Variants in DLG1 observed in about 807,000 individuals in gnomAD.
DLG1 encodes the protein disks large homolog 1.
In DLG1, 42 loss-of-function variants were observed where a neutral mutation model predicts 123.4. The ratio of observed to expected loss-of-function variants is 0.34; its 90% CI spans 0.27 to 0.44. DLG1 has a LOEUF of 0.44. Ranked by LOEUF, DLG1 falls within the 20% of genes least tolerant of loss-of-function variation. The pLI, the probability that DLG1 is intolerant of heterozygous loss-of-function variation, is 1.00. For synonymous variants in DLG1, 317 were observed against 356.2 expected (o/e 0.89, Z 1.24); for missense variants, 942 against 1,082.6 (o/e 0.87, Z 1.82).
chr3:197,171,025 G>A (rs906164036), intron 5 of DLG1, among the ~76,000 whole-genome samples: 2 of 152,118 alleles, frequency 1.3e-5, no homozygotes, highest in Non-Finnish European at 2.9e-5. Context: ...GGGTTAGTAA[G>A]GATCTTATTT....
intron 5 of DLG1, among the ~76,000 whole-genome samples, chr3:197,159,013 C>T (rs539968080): frequency 5.6e-4 from 85 of 152,210 alleles, no homozygotes; most frequent in Middle Eastern, 3.4e-3. Context: ...TGTTTACACT[C>T]CCAGTAAGAA....
At chr3:197,154,720 G>C (rs1387310517) in intron 5 of DLG1, among the ~76,000 whole-genome samples, 1 of 151,988 alleles carries the variant, frequency 6.6e-6, no homozygotes, top group Non-Finnish European at 1.5e-5. Flanking sequence ...GCAAGAAAGT[G>C]CTGTATGAAC....
intron 5 of DLG1, among the ~76,000 whole-genome samples, chr3:197,168,422 T>C (rs1802467440): frequency 6.6e-6 from 1 of 152,062 alleles, no homozygotes; most frequent in Non-Finnish European, 1.5e-5. Flanking sequence ...AAAATGCAGC[T>C]CTAAACAAAT....
chr3:197,183,641 T>C (rs2150156680), intron 5 of DLG1: 1 of 1,550,558 alleles, frequency 6.4e-7, no homozygotes, highest in East Asian at 2.4e-5. Flanking sequence ...AAAATGCAAC[T>C]ATCTGCTGCC....
chr3:197,157,103 G>A (rs902431987), intron 5 of DLG1, among the ~76,000 whole-genome samples: 1 of 152,172 alleles, frequency 6.6e-6, no homozygotes. Flanking sequence ...TCTAAGATAA[G>A]GAAGAAGGCA....
chr3:197,180,071 G>A lies in DLG1; in HGVS notation c.483+14354C>T, dbSNP rs1372074748. 3.4e-5 allele frequency among the ~76,000 whole-genome samples: 3 copies of A among 88,740 alleles called. No individual in the cohort carries two copies. The East Asian group carries it at 7.0e-4, about 21-fold the overall frequency. 58.2% of individuals were successfully genotyped at this position (88,740 alleles called of 152,430 possible). ...TGGCATGTTGTGTTTTTTTTTTGGG[G>A]GGGGGGGGGCTTTTTGAGTATTTAT... On this transcript the variant is annotated intron_variant, in intron 5 of 24. Coordinates refer to ENST00000667157, the MANE Select transcript of DLG1 (RefSeq NM_001366207.1).
chr3:197,134,798 G>T (rs1456896895), intron 10 of DLG1, among the ~76,000 whole-genome samples: 1 of 152,244 alleles, frequency 6.6e-6, no homozygotes, highest in Non-Finnish European at 1.5e-5. Context: ...GGGCTTGGGT[G>T]AAGTGTTGTG....
intron 5 of DLG1, among the ~76,000 whole-genome samples, chr3:197,175,932 T>C (rs1292617296): frequency 6.6e-6 from 1 of 152,196 alleles, no homozygotes; most frequent in Non-Finnish European, 1.5e-5. Flanking sequence ...GCACTGTTAT[T>C]AACACATTAT....
At chr3:197,068,038 T>C (rs1560446076) in intron 19 of DLG1, among the ~76,000 whole-genome samples, 2 of 152,264 alleles carry the variant, frequency 1.3e-5, no homozygotes, top group Non-Finnish European at 2.9e-5. Context: ...ATTTTGCAAT[T>C]GGTTTATATT....
At chr3:197,150,170 C>T (rs553596095) in intron 5 of DLG1, among the ~76,000 whole-genome samples, 1 of 152,004 alleles carries the variant, frequency 6.6e-6, no homozygotes, top group Non-Finnish European at 1.5e-5. Flanking sequence ...AGATTTCAAT[C>T]ATTTCATCAC....
At chr3:197,162,855 C>A (rs1364839248) in intron 5 of DLG1, among the ~76,000 whole-genome samples, 4 of 152,134 alleles carry the variant, frequency 2.6e-5, no homozygotes, top group Admixed American at 2.6e-4. Flanking sequence ...ATCAATTAGA[C>A]TCTAACAGAA....
At chr3:197,175,614 A>G (rs900474946) in intron 5 of DLG1, among the ~76,000 whole-genome samples, 3 of 152,222 alleles carry the variant, frequency 2.0e-5, no homozygotes, top group African/African-American at 7.2e-5. Flanking sequence ...AGATTAAATA[A>G]AAATTAACAC....
At chr3:197,045,478 T>A (rs745439332) in intron 24 of DLG1, among the ~76,000 whole-genome samples, 3 of 152,058 alleles carry the variant, frequency 2.0e-5, no homozygotes, top group Non-Finnish European at 4.4e-5. Flanking sequence ...TGGTGGCTCA[T>A]GCCTGCAATC....
intron 4 of DLG1, among the ~76,000 whole-genome samples, chr3:197,271,336 T>C (rs1047419508): frequency 6.6e-6 from 1 of 152,236 alleles, no homozygotes; most frequent in African/African-American, 2.4e-5. Flanking sequence ...GCAGTACAAA[T>C]GGCTTCTCAG....
chr3:197,190,696 A>T (rs1577818226), intron 5 of DLG1, among the ~76,000 whole-genome samples: 3 of 152,160 alleles, frequency 2.0e-5, no homozygotes, highest in African/African-American at 7.2e-5. Context: ...TACAAGAATC[A>T]TATACGGAGA....
chr3:197,279,785 T>C (rs1335243823), intron 4 of DLG1, among the ~76,000 whole-genome samples: 2 of 152,198 alleles, frequency 1.3e-5, no homozygotes, highest in Admixed American at 6.5e-5. Flanking sequence ...CTGAATGAAA[T>C]CTATATGGAA....
chr3:197,136,484 T>C, intron 10 of DLG1, 58 bp downstream of exon 10: 2 of 1,435,686 alleles, frequency 1.4e-6, no homozygotes, highest in Non-Finnish European at 1.9e-6. Context: ...CCAGTATCTA[T>C]CAGAAAAATA....
At chr3:197,113,296 T>G (rs1408133661) in intron 13 of DLG1, among the ~76,000 whole-genome samples, 1 of 152,162 alleles carries the variant, frequency 6.6e-6, no homozygotes, top group Non-Finnish European at 1.5e-5. Flanking sequence ...CAACATGAAG[T>G]AAGAAATGAG....
chr3:197,175,177 A>G (rs1806345611), intron 5 of DLG1, among the ~76,000 whole-genome samples: 1 of 152,192 alleles, frequency 6.6e-6, no homozygotes, highest in African/African-American at 2.4e-5. Context: ...AAATTACCAC[A>G]TCAGTTGGTT....
Sources: gnomAD v4.1 joint callset for allele counts (sites outside exome capture counted in the v4.1 genomes callset) on GRCh38, gnomAD v4.1.1 for gene constraint, MANE v1.5 for transcripts, NCBI Gene and HGNC (gene_info 2026-07-23, HGNC 2026-07-21) for gene names.